PPARG: variants seen among roughly 807,000 people sequenced by gnomAD.
PPARG encodes peroxisome proliferator activated receptor gamma, also known as peroxisome proliferator-activated receptor gamma.
In PPARG, 17 loss-of-function variants were observed where a neutral mutation model predicts 39.2. That is an observed-to-expected ratio of 0.43 (90% CI 0.30 to 0.65). The LOEUF (loss-of-function observed/expected upper bound fraction) is 0.65, where lower values mean the gene tolerates loss of function less well. Ranked by LOEUF, PPARG falls within the 30% of genes least tolerant of loss-of-function variation. The pLI, the probability that PPARG is intolerant of heterozygous loss-of-function variation, is 0.13. For synonymous variants in PPARG, 223 were observed against 215.7 expected, an observed-to-expected ratio of 1.03 and a Z score of -0.30; for missense variants, 406 against 585.9, an observed-to-expected ratio of 0.69 and a Z score of 3.17.
At chr3:12,390,549 A>T (rs1477312938) in intron 4 of PPARG, among the ~76,000 whole-genome samples, 1 of 112,848 alleles carries the variant, frequency 8.9e-6, no homozygotes, top group Admixed American at 1.0e-4. Context: ...ATATAGTATA[A>T]TACCATTTAA....
chr3:12,325,848 C>T (rs2047679877), intron 2 of PPARG, among the ~76,000 whole-genome samples: 1 of 152,016 alleles, frequency 6.6e-6, no homozygotes, highest in African/African-American at 2.4e-5. Flanking sequence ...CAGTGGAAAT[C>T]ATAGGATTTT....
At chr3:12,343,105 C>CA (rs1436828424) in intron 2 of PPARG, among the ~76,000 whole-genome samples, 1 of 151,162 alleles carries the variant, frequency 6.6e-6, no homozygotes, top group Non-Finnish European at 1.5e-5. Flanking sequence ...AGGTCTAAGA[C>CA]ACGTTTGTTG....
At chr3:12,423,710 T>C (rs1323759617) in intron 7 of PPARG, among the ~76,000 whole-genome samples, 1 of 152,214 alleles carries the variant, frequency 6.6e-6, no homozygotes, top group African/African-American at 2.4e-5. Flanking sequence ...CAGCCCGCTT[T>C]CTCCCACCTC....
chr3:12,341,232 C>T (rs1217808025), intron 2 of PPARG, among the ~76,000 whole-genome samples: 1 of 151,658 alleles, frequency 6.6e-6, no homozygotes, highest in East Asian at 1.9e-4. Flanking sequence ...ATGGGTGTCC[C>T]GTTAACTGTC....
rs142120227 is a variant in PPARG, at chr3:12,324,389, C to T, written c.-9+11936C>T. 3.2e-3 allele frequency among the ~76,000 whole-genome samples: 488 copies of T among 152,084 alleles called. 2 individuals carry two copies. The highest frequency in any genetic ancestry group is 0.012 in the South Asian group (60 of 4,818). On this transcript the variant is annotated intron_variant, in intron 2 of 7. Transcript: ENST00000651735. ...AATGAGGTTGATGTGCCTGCTGTGC[C>T]GGGGGGATAAGAGAAAGGTGTCAGG... is the stretch of plus-strand genomic sequence containing the variant.
At chr3:12,328,027 A>G (rs555950952) in intron 2 of PPARG, 5 of 1,253,578 alleles carry the variant, frequency 4.0e-6, no homozygotes, top group Non-Finnish European at 5.9e-6. Flanking sequence ...GCTAAACAGA[A>G]CGAAAAAGCA....
Position 12,390,295 on chromosome 3 carries a change from T to C in PPARG, c.391-2319T>C, listed in dbSNP as rs969362722. 4.6e-4 allele frequency among the ~76,000 whole-genome samples: 70 copies of C among 152,132 alleles called. 1 individual carries two copies. Among genetic ancestry groups the C allele is most frequent in the Non-Finnish European group, 1.5e-5 (1 of 68,024 alleles). On this transcript the variant is annotated intron_variant, in intron 4 of 7. Coordinates refer to ENST00000651735, the MANE Select transcript of PPARG (RefSeq NM_138711.6). ...CTTGTAAAATTTTAATACTCACACA[T>C]TGTACAACCCAGAAATGCCACTTAA...
intron 6 of PPARG, chr3:12,406,430 A>G (rs1299230926): frequency 6.1e-6 from 2 of 329,360 alleles, no homozygotes; most frequent in Non-Finnish European, 1.2e-5. Context: ...AGCAATATTC[A>G]TTCAAGCAGC....
At position 12,307,319 on chromosome 3, in the gene PPARG, G is replaced by A. The variant is rs535369185; in HGVS notation, c.-82-5061G>A. On this transcript the variant is annotated intron_variant, in intron 1 of 7. Transcript: ENST00000651735. Reference sequence around the variant, plus strand: ...TAATTGAATCAGTCAGCTATGGTGGGGTTAGGGGACAGATCCGTGTATTTA... The same window carrying A: ...TAATTGAATCAGTCAGCTATGGTGGAGTTAGGGGACAGATCCGTGTATTTA... 8.5e-5 allele frequency among the ~76,000 whole-genome samples: 13 copies of A among 152,078 alleles called. No homozygotes were observed. In the East Asian group the frequency reaches 2.5e-3, roughly 29 times the overall value.
chr3:12,369,630 C>T (rs2049139328), intron 2 of PPARG, among the ~76,000 whole-genome samples: 1 of 151,932 alleles, frequency 6.6e-6, no homozygotes, highest in African/African-American at 2.4e-5. Flanking sequence ...CTTCTCCCTC[C>T]CCTCCATCTT....
chr3:12,320,464 T>C (rs1435740595), intron 2 of PPARG, among the ~76,000 whole-genome samples: 5 of 152,216 alleles, frequency 3.3e-5, no homozygotes, highest in African/African-American at 1.2e-4. Context: ...CATGAGCCAT[T>C]TGTTGAAAGT....
intron 6 of PPARG, among the ~76,000 whole-genome samples, chr3:12,408,429 G>A (rs948360288): frequency 1.3e-5 from 2 of 152,156 alleles, no homozygotes; most frequent in African/African-American, 4.8e-5. Flanking sequence ...AATAAATGAA[G>A]ACCTCTGCGT....
intron 7 of PPARG, among the ~76,000 whole-genome samples, chr3:12,433,457 G>A (rs918668474): frequency 2.0e-5 from 3 of 151,076 alleles, no homozygotes; most frequent in Admixed American, 2.0e-4. Flanking sequence ...AGAATAGCTT[G>A]ATCCCGGGAG....
chr3:12,294,977 A>G (rs1313305027), intron 1 of PPARG, among the ~76,000 whole-genome samples: 1 of 152,192 alleles, frequency 6.6e-6, no homozygotes, highest in African/African-American at 2.4e-5. Flanking sequence ...TCTGTTAGAA[A>G]TAGAAACTTA....
intron 2 of PPARG, among the ~76,000 whole-genome samples, chr3:12,369,739 A>C (rs9858822): frequency 0.11 from 16,348 of 152,152 alleles, 2,873 homozygotes; most frequent in African/African-American, 0.37. Flanking sequence ...GCAGTGTGCT[A>C]TGATTCTGTT....
intron 1 of PPARG, among the ~76,000 whole-genome samples, chr3:12,311,181 G>T (rs2047233114): frequency 6.6e-6 from 1 of 152,114 alleles, no homozygotes; most frequent in Non-Finnish European, 1.5e-5. Flanking sequence ...ATAGCTCACT[G>T]CAGCCTTGAA....
At chr3:12,297,238 C>G (rs1294498540) in intron 1 of PPARG, among the ~76,000 whole-genome samples, 3 of 152,058 alleles carry the variant, frequency 2.0e-5, no homozygotes, top group African/African-American at 7.2e-5. Flanking sequence ...AAACTACTCA[C>G]AACTCTGAAG....
chr3:12,325,864 A>AT (rs1426529224), intron 2 of PPARG, among the ~76,000 whole-genome samples: 1 of 152,218 alleles, frequency 6.6e-6, no homozygotes, highest in East Asian at 1.9e-4. Flanking sequence ...ATTTTCAAAA[A>AT]TAAGTTTTGT....
At chr3:12,304,908 G>T (rs757285889) in intron 1 of PPARG, among the ~76,000 whole-genome samples, 1 of 152,126 alleles carries the variant, frequency 6.6e-6, no homozygotes, top group Non-Finnish European at 1.5e-5. Flanking sequence ...AACTAATGAC[G>T]ACTCTCTCTG....
Sources: allele counts gnomAD v4.1 joint callset (sites outside exome capture counted in the v4.1 genomes callset), GRCh38; gene constraint gnomAD v4.1.1; transcripts MANE v1.5; gene names NCBI Gene and HGNC (gene_info 2026-07-23, HGNC 2026-07-21).